The following CEP128 variants were observed in gnomAD, a reference collection of about 807,000 sequenced individuals.
CEP128 encodes centrosomal protein 128, also known as centrosomal protein 128kDa.
CEP128 carries 132 observed loss-of-function variants against 156.7 expected under a neutral mutation model. The ratio of observed to expected loss-of-function variants is 0.84; its 90% CI spans 0.73 to 0.97. The LOEUF (loss-of-function observed/expected upper bound fraction) is 0.97. Ranked by LOEUF, CEP128 falls within the 50% of genes least tolerant of loss-of-function variation. CEP128 has a pLI of 0.00. For missense variants in CEP128, 1,252 were observed against 1,281.9 expected (o/e 0.98, Z 0.36); for synonymous variants, 469 against 448.9 (o/e 1.04, Z -0.57).
At chr14:80,608,791 T>C (rs1892884669) in intron 19 of CEP128, among the ~76,000 whole-genome samples, 1 of 152,210 alleles carries the variant, frequency 6.6e-6, no homozygotes, top group Non-Finnish European at 1.5e-5. Context: ...CTGTTAGTAA[T>C]TGCTCTCACA....
At chr14:80,919,651 C>A (rs78655818) in intron 2 of CEP128, among the ~76,000 whole-genome samples, 1 of 151,844 alleles carries the variant, frequency 6.6e-6, no homozygotes, top group African/African-American at 2.4e-5. Flanking sequence ...AGTAAAGATA[C>A]GGGGGCATCT....
At chr14:80,755,839 C>T (rs940350468) in intron 18 of CEP128, among the ~76,000 whole-genome samples, 3 of 152,148 alleles carry the variant, frequency 2.0e-5, no homozygotes, top group African/African-American at 7.2e-5. Flanking sequence ...TTTTTCATCA[C>T]AACCCGTTTA....
At chr14:80,761,391 A>G in intron 17 of CEP128, 46 bp downstream of exon 17, 1 of 1,347,686 alleles carries the variant, frequency 7.4e-7, no homozygotes, top group South Asian at 1.4e-5. Flanking sequence ...ATTATATATT[A>G]GGAAACTAAC....
At chr14:80,904,772 A>G (rs1224491804) in intron 6 of CEP128, 41 bp downstream of exon 6, 1 of 1,064,822 alleles carries the variant, frequency 9.4e-7, no homozygotes, top group South Asian at 1.3e-5. Flanking sequence ...ATAGAAGCAT[A>G]AGGAAATACT....
chr14:80,762,623 G>A (rs1022130120), intron 16 of CEP128, among the ~76,000 whole-genome samples: 2 of 152,144 alleles, frequency 1.3e-5, no homozygotes, highest in African/African-American at 4.8e-5. Flanking sequence ...TCCTCTGCCA[G>A]GAAAGACAGA....
At chr14:80,502,415 T>C (rs1887779888) in intron 24 of CEP128, among the ~76,000 whole-genome samples, 1 of 152,184 alleles carries the variant, frequency 6.6e-6, no homozygotes, top group South Asian at 2.1e-4. Context: ...TGGCCTCTTG[T>C]TCTGTTTTCT....
At chr14:80,942,712 C>T (rs1010320694), upstream of CEP128, among the ~76,000 whole-genome samples, 5 of 152,066 alleles carry the variant, frequency 3.3e-5, no homozygotes. Flanking sequence ...GGGACCTAAC[C>T]TTTTTTGTAC....
chr14:80,505,514 T>C (rs553389583), intron 23 of CEP128, among the ~76,000 whole-genome samples: 1 of 152,330 alleles, frequency 6.6e-6, no homozygotes, highest in Admixed American at 6.5e-5. Context: ...TGACAAATTC[T>C]TATGAAAAAA....
At chr14:80,677,563 A>G (rs1896114690) in intron 19 of CEP128, among the ~76,000 whole-genome samples, 1 of 150,448 alleles carries the variant, frequency 6.6e-6, no homozygotes, top group South Asian at 2.1e-4. Flanking sequence ...TGGTTTTAAT[A>G]GAATATAGTA....
chr14:80,628,516 A>G (rs1893827769), intron 19 of CEP128, among the ~76,000 whole-genome samples: 1 of 152,212 alleles, frequency 6.6e-6, no homozygotes, highest in African/African-American at 2.4e-5. Flanking sequence ...AACATAATAC[A>G]TAGCTAGAAT....
At chr14:80,599,765 A>T (rs888655516) in intron 19 of CEP128, among the ~76,000 whole-genome samples, 1 of 152,188 alleles carries the variant, frequency 6.6e-6, no homozygotes. Flanking sequence ...ACCTAAAGGA[A>T]ATCATACCCA....
At chr14:80,600,591 C>G (rs1312932138) in intron 19 of CEP128, among the ~76,000 whole-genome samples, 3 of 152,024 alleles carry the variant, frequency 2.0e-5, no homozygotes, top group African/African-American at 7.2e-5. Flanking sequence ...AATGAAAGTA[C>G]AGTAGACAAT....
Position 80,614,430 on chromosome 14 carries a change from A to C in CEP128, c.2807-34007T>G, listed in dbSNP as rs902275935. ...CTAGAAGTCCCTCCTATTCTTTTTT[A>C]TCATTTCTTCTCAGTGTCGTTTGAG... On this transcript the variant is annotated intron_variant, in intron 19 of 24. Coordinates refer to ENST00000555265, the MANE Select transcript of CEP128 (RefSeq NM_152446.5). Among the ~76,000 whole-genome samples the C allele has an allele frequency of 2.0e-5, 3 of 151,998 alleles. No individual in the cohort carries two copies. In the East Asian group the frequency reaches 5.8e-4, roughly 29 times the overall value.
intron 13 of CEP128, among the ~76,000 whole-genome samples, chr14:80,817,023 G>A (rs1884903110): frequency 6.7e-6 from 1 of 149,860 alleles, no homozygotes; most frequent in Admixed American, 6.6e-5. Flanking sequence ...TAAAAATTGA[G>A]TGAGATATCA....
chr14:80,604,246 T>G (rs920084500), intron 19 of CEP128, among the ~76,000 whole-genome samples: 9 of 152,142 alleles, frequency 5.9e-5, no homozygotes, highest in Non-Finnish European at 1.0e-4. Context: ...AGAAATAGAT[T>G]CCACCTGTGT....
In CEP128 at chr14:80,916,622, T is replaced by A. The variant is rs572216944; in HGVS notation, c.-15-60A>T. 2.4e-5 allele frequency: 32 copies of A among 1,334,208 alleles called. No homozygotes were observed. In the African/African-American group the frequency reaches 4.4e-4, roughly 18 times the overall value. 82.6% of individuals were successfully genotyped at this position (1,334,208 alleles called of 1,614,324 possible). On this transcript the variant is annotated intron_variant, in intron 2 of 24. Transcript: ENST00000555265. ...AGTAAAAAGCATGGAAATAAAAGAC[T>A]AATACAACAGTTTACTTTTGATCTC... is the stretch of plus-strand genomic sequence containing the variant.
At chr14:80,753,865 T>C (rs1429101122) in intron 18 of CEP128, among the ~76,000 whole-genome samples, 1 of 152,192 alleles carries the variant, frequency 6.6e-6, no homozygotes, top group Non-Finnish European at 1.5e-5. Context: ...CCCTAGAATA[T>C]AACATCTCTC....
chr14:80,687,111 G>A (rs1896552196), intron 19 of CEP128, among the ~76,000 whole-genome samples: 1 of 151,920 alleles, frequency 6.6e-6, no homozygotes, highest in Admixed American at 6.6e-5. Context: ...CCAAAAACAA[G>A]AGAATAAAAG....
At chr14:80,821,242 T>G (rs1281433723) in intron 13 of CEP128, among the ~76,000 whole-genome samples, 1 of 152,196 alleles carries the variant, frequency 6.6e-6, no homozygotes, top group African/African-American at 2.4e-5. Flanking sequence ...TTTAATTTGC[T>G]ACTTAAAATG....
Sources: gnomAD v4.1 joint callset for allele counts (sites outside exome capture counted in the v4.1 genomes callset) on GRCh38, gnomAD v4.1.1 for gene constraint, MANE v1.5 for transcripts, NCBI Gene and HGNC (gene_info 2026-07-23, HGNC 2026-07-21) for gene names.